Variants in LRPPRC observed in about 807,000 individuals in gnomAD.
LRPPRC encodes the protein leucine rich pentatricopeptide repeat containing.
A neutral mutation model predicts 180.3 loss-of-function variants in LRPPRC; 120 were observed. The observed-to-expected ratio is 0.67, with a 90% confidence interval of 0.57 to 0.77. The LOEUF is 0.77. LRPPRC is among the 30% of genes least tolerant of loss of function. LRPPRC has a pLI of 0.00. For missense variants in LRPPRC, 2,012 were observed against 1,657.2 expected (o/e 1.21, Z -3.72); for synonymous variants, 723 against 600.0 (o/e 1.21, Z -3.00).
At position 43,976,245 on chromosome 2, in the gene LRPPRC, G is replaced by A. The variant is rs1422386060; in HGVS notation, c.651-16C>T. The A allele has an allele frequency of 1.1e-5, 16 of 1,391,688 alleles. No homozygotes were observed. Among genetic ancestry groups the A allele is most frequent in the African/African-American group, 5.7e-5 (4 of 70,710 alleles). 86.2% of individuals were successfully genotyped at this position (1,391,688 alleles called of 1,614,324 possible). Reference sequence around the variant, plus strand: ...AAGAATCTTGCTGCAAAGGAAAAACGAAGATACTCATTGAAAGTATTTATA... The same window carrying A: ...AAGAATCTTGCTGCAAAGGAAAAACAAAGATACTCATTGAAAGTATTTATA... On this transcript the variant is annotated splice_polypyrimidine_tract_variant and intron_variant, in intron 5 of 37. Transcript: ENST00000260665.
Position 43,899,200 on chromosome 2 carries a change from A to C in LRPPRC, c.3825+19T>G. On this transcript the variant is annotated intron_variant, in intron 34 of 37. Transcript: ENST00000260665. ...TGCAAGCCTCGAGCCCCACTGCTCC[A>C]TGAGTGGAGGGTCATTACCTGTAGG... 5 of 1,559,716 alleles carry C rather than the reference A, an allele frequency of 3.2e-6. No homozygotes were observed. Among genetic ancestry groups the C allele is most frequent in the Non-Finnish European group, 4.4e-6 (5 of 1,130,664 alleles).
chr2:43,915,065 A>C, intron 29 of LRPPRC, among the ~76,000 whole-genome samples: 1 of 143,572 alleles, frequency 7.0e-6, no homozygotes, highest in East Asian at 2.0e-4. Context: ...AAAAAAAAAA[A>C]AAAAAAAAAA....
chr2:43,890,126 A>ATATT (rs1670434102), intron 36 of LRPPRC: 8 of 532,464 alleles, frequency 1.5e-5, no homozygotes, highest in Non-Finnish European at 2.4e-5. Flanking sequence ...CTTTAGAATA[A>ATATT]TATTGATACC....
In LRPPRC at chr2:43,979,820, T is replaced by C. The variant is rs1468870513; in HGVS notation, c.469+6A>G. The C allele has an allele frequency of 2.5e-6, 4 of 1,612,524 alleles. No individual in the cohort carries two copies. The highest frequency in any genetic ancestry group is 3.4e-6 in the Non-Finnish European group (4 of 1,178,668). ...TTATACACATCATATATTTAAACAATCATACCTAATTTCTGAAGTGTGTCC... is the reference window on the plus strand; with the variant it reads ...TTATACACATCATATATTTAAACAACCATACCTAATTTCTGAAGTGTGTCC... On this transcript the variant is annotated splice_donor_region_variant and intron_variant, in intron 3 of 37. Transcript: ENST00000260665.
rs536492035 is a variant in LRPPRC, at chr2:43,945,244, G to C, written c.2296+88C>G. ...ATGCAAAGTGTTCAAGCACTTTGCA[G>C]GACATGATATCCATTAATATCAATT... On this transcript the variant is annotated intron_variant, in intron 22 of 37. Transcript: ENST00000260665. 85 of 917,586 alleles carry C rather than the reference G, an allele frequency of 9.3e-5. 1 individual carries two copies. In the Middle Eastern group the frequency reaches 1.3e-3, roughly 14 times the overall value. The allele number at this position is 917,586 out of a possible 1,614,324, so 56.8% of individuals were successfully genotyped here.
chr2:43,909,097 C>T (rs1336552709), intron 30 of LRPPRC, among the ~76,000 whole-genome samples: 3 of 152,218 alleles, frequency 2.0e-5, no homozygotes, highest in Admixed American at 6.5e-5. Context: ...CACAAAATAT[C>T]TCTTGAAATA....
At chr2:43,970,664 GA>G (rs1207233161) in intron 11 of LRPPRC, among the ~76,000 whole-genome samples, 1 of 152,134 alleles carries the variant, frequency 6.6e-6, no homozygotes, top group Non-Finnish European at 1.5e-5. Context: ...AGTTTAATGA[GA>G]ATTATAACAG....
chr2:43,899,649 T>A, intron 32 of LRPPRC, 44 bp from the exon 33 acceptor site: 1 of 1,354,542 alleles, frequency 7.4e-7, no homozygotes, highest in Non-Finnish European at 1.1e-6. Flanking sequence ...GCTTTTATGT[T>A]AATATTACAG....
At chr2:43,983,886 G>C (rs1243696638) in intron 1 of LRPPRC, among the ~76,000 whole-genome samples, 1 of 152,036 alleles carries the variant, frequency 6.6e-6, no homozygotes, top group Non-Finnish European at 1.5e-5. Context: ...TGTGATCTGG[G>C]AGAAATCATG....
chr2:43,935,396 C>A (rs1457817820), intron 23 of LRPPRC, among the ~76,000 whole-genome samples: 2 of 152,158 alleles, frequency 1.3e-5, no homozygotes, highest in Admixed American at 1.3e-4. Context: ...TCTGTACTGT[C>A]ACCTTACTAG....
rs369339677 is a variant in LRPPRC, at chr2:43,909,280, T to A, written c.3275+3152A>T. Among the ~76,000 whole-genome samples, 3 of 151,990 alleles carry A rather than the reference T, an allele frequency of 2.0e-5. No homozygotes were observed. The South Asian group carries it at 6.2e-4, about 32-fold the overall frequency. ...AGAGGACATGCATCCAAAGCCCAGA[T>A]TGACTTCAGGCTTTGGATCTTGGGT... On this transcript the variant is annotated intron_variant, in intron 30 of 37. Transcript: ENST00000260665.
At chr2:43,925,707 G>A (rs971552329) in intron 26 of LRPPRC, among the ~76,000 whole-genome samples, 186 bp downstream of exon 26, 3 of 152,118 alleles carry the variant, frequency 2.0e-5, no homozygotes, top group African/African-American at 7.2e-5. Flanking sequence ...CAGGTTAACA[G>A]TTTAGGGTTT....
chr2:43,974,213 T>C lies in LRPPRC; in HGVS notation c.1092A>G (p.Ser364=), dbSNP rs549364492. 2.0e-5 allele frequency: 32 copies of C among 1,612,352 alleles called. No homozygotes were observed. In the African/African-American group the frequency reaches 4.3e-4, roughly 21 times the overall value. ...CAAAGACACTTGGGCCATCTTCCTTTGATACGGGGCATGCTAGTAAAATTT... is the reference window on the plus strand; with the variant it reads ...CAAAGACACTTGGGCCATCTTCCTTCGATACGGGGCATGCTAGTAAAATTT... ...ALQILLACPV[S]KEDGPSVFGS... Residue 364 remains serine, a synonymous_variant, in exon 9 of 38, where the codon TCA becomes TCG. Transcript: ENST00000260665.
intron 36 of LRPPRC, among the ~76,000 whole-genome samples, 194 bp from the exon 37 acceptor site, chr2:43,890,070 CA>C (rs1258204247): frequency 6.6e-6 from 1 of 152,160 alleles, no homozygotes; most frequent in Non-Finnish European, 1.5e-5. Flanking sequence ...CGGCATCACT[CA>C]CTTTGAAGGA....
chr2:43,955,613 G>A (rs1006199240), intron 14 of LRPPRC, among the ~76,000 whole-genome samples: 6 of 152,098 alleles, frequency 3.9e-5, no homozygotes, highest in African/African-American at 1.4e-4. Flanking sequence ...GGTGGCATGC[G>A]CCCATAGTCC....
intron 1 of LRPPRC, among the ~76,000 whole-genome samples, chr2:43,985,143 AT>A (rs1276443313): frequency 6.6e-6 from 1 of 151,698 alleles, no homozygotes; most frequent in Admixed American, 6.6e-5. Context: ...AGCATGTACC[AT>A]TTTTTTAAAA....
intron 29 of LRPPRC, among the ~76,000 whole-genome samples, chr2:43,914,453 C>A (rs1671368936): frequency 6.6e-6 from 1 of 152,180 alleles, no homozygotes; most frequent in East Asian, 1.9e-4. Context: ...TATGGCCAGG[C>A]ACAGTGGCTC....
chr2:43,889,953 G>T, intron 36 of LRPPRC, 77 bp from the exon 37 acceptor site: 2 of 1,045,420 alleles, frequency 1.9e-6, no homozygotes, highest in Non-Finnish European at 3.0e-6. Flanking sequence ...CAGCCACTCA[G>T]GGACGGCTGG....
intron 27 of LRPPRC, among the ~76,000 whole-genome samples, chr2:43,918,811 A>ATATCTC (rs1671582740): frequency 7.4e-6 from 1 of 134,756 alleles, no homozygotes; most frequent in African/African-American, 3.3e-5. Flanking sequence ...ATATATATAG[A>ATATCTC]TATATATATA....
Sources: gnomAD v4.1 joint callset for allele counts (sites outside exome capture counted in the v4.1 genomes callset) on GRCh38, gnomAD v4.1.1 for gene constraint, MANE v1.5 for transcripts, NCBI Gene and HGNC (gene_info 2026-07-23, HGNC 2026-07-21) for gene names.